The following PPP1R8 variants were observed in gnomAD, a reference collection of about 807,000 sequenced individuals.
The protein encoded by PPP1R8 is protein phosphatase 1 regulatory subunit 8.
A neutral mutation model predicts 31.3 loss-of-function variants in PPP1R8; 4 were observed. That is an observed-to-expected ratio of 0.13 (90% CI 0.06 to 0.29). The LOEUF is 0.29. Ranked by LOEUF, PPP1R8 falls within the 10% of genes least tolerant of loss-of-function variation. The probability of loss-of-function intolerance (pLI) is 1.00; values close to 1 mark genes in which losing one functional copy is unlikely to be tolerated. For missense variants in PPP1R8, 254 were observed against 440.1 expected, an observed-to-expected ratio of 0.58 and a Z score of 3.78; for synonymous variants, 170 against 169.7, an observed-to-expected ratio of 1.00 and a Z score of -0.01.
chr1:27,832,261 G>T (rs577133033), intron 1 of PPP1R8, among the ~76,000 whole-genome samples: 1 of 152,292 alleles, frequency 6.6e-6, no homozygotes, highest in South Asian at 2.1e-4. Flanking sequence ...GCATGATTTT[G>T]AATTGCCCTA....
chr1:27,845,933 G>T (rs983758164), intron 5 of PPP1R8, among the ~76,000 whole-genome samples: 1 of 151,536 alleles, frequency 6.6e-6, no homozygotes, highest in Non-Finnish European at 1.5e-5. Flanking sequence ...GGGACTACAG[G>T]TGCACGCCAC....
intron 1 of PPP1R8, 109 bp from the exon 2 acceptor site, chr1:27,832,647 G>A: frequency 2.4e-6 from 2 of 828,926 alleles, no homozygotes; most frequent in Non-Finnish European, 3.7e-6. Flanking sequence ...GCTTGAACAT[G>A]AACTAATTAT....
Position 27,847,274 on chromosome 1 carries a change from A to G in PPP1R8, c.702+182A>G, listed in dbSNP as rs569151908. Among the ~76,000 whole-genome samples the G allele has an allele frequency of 2.2e-4, 33 of 152,292 alleles. No homozygotes were observed. In the South Asian group the frequency reaches 6.8e-3, roughly 32 times the overall value. On this transcript the variant is annotated intron_variant, in intron 6 of 6. Coordinates refer to ENST00000311772, the MANE Select transcript of PPP1R8 (RefSeq NM_014110.5). Reference sequence around the variant, plus strand: ...GTAATCCCAGCACTTTGGGAGGCCAAGGCAGGCAGATCACCTGAGGTCAGG... The same window carrying G: ...GTAATCCCAGCACTTTGGGAGGCCAGGGCAGGCAGATCACCTGAGGTCAGG...
intron 2 of PPP1R8, chr1:27,834,606 C>T (rs1479964855): frequency 4.0e-6 from 2 of 503,030 alleles, no homozygotes; most frequent in African/African-American, 1.9e-5. Context: ...GAAGCTACGG[C>T]TTTAGTGACT....
chr1:27,844,227 T>TCCTGGG (rs1400118782), intron 5 of PPP1R8, among the ~76,000 whole-genome samples: 3 of 152,212 alleles, frequency 2.0e-5, no homozygotes, highest in Non-Finnish European at 2.9e-5. Context: ...GGTCTTGACC[T>TCCTGGG]CCTGGGCTTA....
Position 27,831,397 on chromosome 1 carries a change from G to C in PPP1R8, c.56+506G>C, listed in dbSNP as rs1371128369. The C allele has an allele frequency of 4.1e-6, 4 of 972,426 alleles. No individual in the cohort carries two copies. The African/African-American group carries it at 7.0e-5, about 17-fold the overall frequency. 60.2% of individuals were successfully genotyped at this position (972,426 alleles called of 1,614,324 possible). A position where few individuals can be genotyped will look rare whatever the true frequency, so the allele number is the denominator to read the frequency against. On this transcript the variant is annotated intron_variant, in intron 1 of 6. Transcript: ENST00000311772. ...TTAGCGCCATCCCTGCCCTCAGGGA[G>C]CTCCCAGTCTGTGGCACTAGTAGGC...
At chr1:27,844,639 T>G (rs28673675) in intron 5 of PPP1R8, among the ~76,000 whole-genome samples, 5,882 of 151,536 alleles carry the variant, frequency 0.039, 384 homozygotes, top group African/African-American at 0.14. Context: ...AAATTTATAT[T>G]TTTTAATGAG....
At chr1:27,847,653 CCGGGGAGGTGGAAG>C in intron 6 of PPP1R8, among the ~76,000 whole-genome samples, 1 of 152,148 alleles carries the variant, frequency 6.6e-6, no homozygotes, top group Middle Eastern at 3.4e-3. Flanking sequence ...ATCGCTGGAA[CCGGGGAGGTGGAAG>C]TTGCAGTGAG....
At chr1:27,831,475 TAATGA>T (rs2089105808) in intron 1 of PPP1R8, 1 of 510,986 alleles carries the variant, frequency 2.0e-6, no homozygotes, top group South Asian at 8.5e-5. Flanking sequence ...TTCTTGGGAA[TAATGA>T]AATAATTTAA....
chr1:27,844,445 A>G (rs1241900832), intron 5 of PPP1R8, among the ~76,000 whole-genome samples: 1 of 151,388 alleles, frequency 6.6e-6, no homozygotes, highest in Non-Finnish European at 1.5e-5. Context: ...CTCCTGCCTC[A>G]GCCTCCCAAG....
chr1:27,850,008 T>C, intron 6 of PPP1R8, 85 bp from the exon 7 acceptor site: 1 of 1,292,498 alleles, frequency 7.7e-7, no homozygotes, highest in Non-Finnish European at 1.1e-6. Context: ...TTTTTAAGGC[T>C]GGAATAGAAA....
chr1:27,844,433 T>TTC (rs1557430583), intron 5 of PPP1R8, among the ~76,000 whole-genome samples: 1 of 151,892 alleles, frequency 6.6e-6, no homozygotes, highest in Non-Finnish European at 1.5e-5. Flanking sequence ...GTTCAAGTGA[T>TTC]TCTCCTGCCT....
chr1:27,837,348 G>A (rs920125186), intron 2 of PPP1R8, among the ~76,000 whole-genome samples: 1 of 149,422 alleles, frequency 6.7e-6, no homozygotes, highest in Non-Finnish European at 1.5e-5. Flanking sequence ...GGAGAATGGT[G>A]TGAACCCGGG....
At chr1:27,843,901 C>T (rs536839275) in intron 5 of PPP1R8, among the ~76,000 whole-genome samples, 74 of 152,310 alleles carry the variant, frequency 4.9e-4, no homozygotes, top group African/African-American at 1.6e-3. Context: ...TGCAGTGAGC[C>T]GAGGTTGTGC....
At position 27,851,515 on chromosome 1, in the gene PPP1R8, C is replaced by T. The variant is rs753714427; in HGVS notation, c.*1069C>T. 14 of 473,676 alleles carry T rather than the reference C, an allele frequency of 3.0e-5. No homozygotes were observed. Among genetic ancestry groups the T allele is most frequent in the Middle Eastern group, 3.2e-4 (1 of 3,116 alleles). 29.3% of individuals were successfully genotyped at this position (473,676 alleles called of 1,614,324 possible). On this transcript the variant is annotated 3_prime_UTR_variant, in exon 7 of 7. Transcript: ENST00000311772. The stretch of plus-strand genomic sequence containing the variant: ...AACCTTTATTACATTGTAAATTAAA[C>T]GTAACTTTTGTCATTTGGGTGCAGG...
chr1:27,844,228 C>T (rs1398036540), intron 5 of PPP1R8, among the ~76,000 whole-genome samples: 1 of 152,214 alleles, frequency 6.6e-6, no homozygotes, highest in African/African-American at 2.4e-5. Context: ...GTCTTGACCT[C>T]CTGGGCTTAA....
intron 1 of PPP1R8, among the ~76,000 whole-genome samples, chr1:27,832,322 C>CTT (rs1159792428): frequency 6.6e-6 from 1 of 152,188 alleles, no homozygotes; most frequent in Non-Finnish European, 1.5e-5. Flanking sequence ...GGACAGTACT[C>CTT]TTTGCTTACT....
chr1:27,833,396 T>G (rs1223638004), intron 2 of PPP1R8, among the ~76,000 whole-genome samples: 1 of 152,162 alleles, frequency 6.6e-6, no homozygotes, highest in Admixed American at 6.6e-5. Flanking sequence ...CCTCAAGTCA[T>G]CCAGTGGGAG....
Position 27,832,028 on chromosome 1 carries a change from A to C in PPP1R8, c.57-728A>C, listed in dbSNP as rs143601639. Among the ~76,000 whole-genome samples, 206 of 152,306 alleles carry C rather than the reference A, an allele frequency of 1.4e-3. 2 individuals carry two copies. Among genetic ancestry groups the C allele is most frequent in the African/African-American group, 4.8e-3 (201 of 41,570 alleles). On this transcript the variant is annotated intron_variant, in intron 1 of 6. Coordinates refer to ENST00000311772, the MANE Select transcript of PPP1R8 (RefSeq NM_014110.5). ...TTGATCCCTCGCTGTATTGATTTCA[A>C]ATTTGGGCCGAGATAGCAAACATAG...
Sources: allele counts gnomAD v4.1 joint callset (sites outside exome capture counted in the v4.1 genomes callset), GRCh38; gene constraint gnomAD v4.1.1; transcripts MANE v1.5; gene names NCBI Gene and HGNC (gene_info 2026-07-23, HGNC 2026-07-21).